PLCG2: variants seen among roughly 807,000 people sequenced by gnomAD.
PLCG2 encodes the protein phospholipase C gamma 2.
PLCG2 carries 69 observed loss-of-function variants against 175.6 expected under a neutral mutation model. The ratio of observed to expected loss-of-function variants is 0.39; its 90% CI spans 0.32 to 0.48. The LOEUF (loss-of-function observed/expected upper bound fraction) is 0.48, where lower values mean the gene tolerates loss of function less well. Ranked by LOEUF, PLCG2 falls within the 20% of genes least tolerant of loss-of-function variation. The probability of loss-of-function intolerance (pLI) is 0.91; values close to 1 mark genes in which losing one functional copy is unlikely to be tolerated. For synonymous variants in PLCG2, 827 were observed against 624.0 expected, an observed-to-expected ratio of 1.33 and a Z score of -4.85; for missense variants, 1,798 against 1,650.9, an observed-to-expected ratio of 1.09 and a Z score of -1.54.
intron 1 of PLCG2, among the ~76,000 whole-genome samples, chr16:81,782,034 G>C (rs1459589469): frequency 6.6e-6 from 1 of 152,088 alleles, no homozygotes; most frequent in African/African-American, 2.4e-5. Flanking sequence ...ACCACACCCG[G>C]CTAATTGTTT....
chr16:81,935,941 C>T (rs1910692649), intron 26 of PLCG2: 1 of 984,916 alleles, frequency 1.0e-6, no homozygotes, highest in African/African-American at 1.7e-5. Context: ...GTAATTCTAG[C>T]CTAAAAGGTG....
intron 2 of PLCG2, among the ~76,000 whole-genome samples, chr16:81,761,717 C>T (rs965198850): frequency 2.0e-5 from 3 of 152,180 alleles, no homozygotes; most frequent in East Asian, 1.9e-4. Context: ...TAGTTGTTTG[C>T]TCTTCTCATT....
intron 2 of PLCG2, among the ~76,000 whole-genome samples, chr16:81,767,136 G>GTTTT (rs66799783): frequency 9.8e-5 from 7 of 71,726 alleles, no homozygotes; most frequent in Non-Finnish European, 1.2e-4. Flanking sequence ...TAAACTCGTG[G>GTTTT]TTTTTTTTTT....
At chr16:81,805,386 C>G in intron 2 of PLCG2, among the ~76,000 whole-genome samples, 1 of 151,314 alleles carries the variant, frequency 6.6e-6, no homozygotes, top group East Asian at 1.9e-4. Context: ...ATAGTCCCAG[C>G]TACTCAGGAG....
chr16:81,818,595 T>C (rs761694233), intron 2 of PLCG2, among the ~76,000 whole-genome samples: 1 of 152,138 alleles, frequency 6.6e-6, no homozygotes, highest in Admixed American at 6.5e-5. Flanking sequence ...GCTGTGTTTC[T>C]GGAGGCTTCA....
chr16:81,768,615 G>C (rs369899888), intron 2 of PLCG2, among the ~76,000 whole-genome samples: 1 of 146,120 alleles, frequency 6.8e-6, no homozygotes, highest in Non-Finnish European at 1.5e-5. Context: ...GCCCAGGCTG[G>C]AGTGCAATGG....
chr16:81,886,904 G>A (rs1303988662), intron 9 of PLCG2, among the ~76,000 whole-genome samples: 1 of 152,134 alleles, frequency 6.6e-6, no homozygotes, highest in Non-Finnish European at 1.5e-5. Context: ...CAGGTATCTA[G>A]TGCAATACCC....
Position 81,805,778 on chromosome 16 carries a change from TTTTTG to T in PLCG2, c.193+19601_193+19605del, listed in dbSNP as rs1567473571. On this transcript the variant is annotated intron_variant, in intron 2 of 32. Coordinates refer to ENST00000564138, the MANE Select transcript of PLCG2 (RefSeq NM_002661.5). ...TAGTGTTTTGTTTTGTTTTTTTTTT[TTTTTG>T]TTTTTTTTTTTTTTTGCTGTTATTG... Among the ~76,000 whole-genome samples the T allele has an allele frequency of 9.5e-4, 109 of 114,198 alleles. 1 individual carries two copies. The highest frequency in any genetic ancestry group is 4.1e-3 in the Middle Eastern group (1 of 246). 74.9% of individuals were successfully genotyped at this position (114,198 alleles called of 152,430 possible).
intron 2 of PLCG2, among the ~76,000 whole-genome samples, chr16:81,756,422 A>G (rs774835904): frequency 6.6e-5 from 10 of 152,210 alleles, no homozygotes; most frequent in South Asian, 2.1e-4. Flanking sequence ...GGCAGCTATT[A>G]TTATTAACCC....
chr16:81,741,398 G>A (rs984720126), intron 1 of PLCG2, among the ~76,000 whole-genome samples: 2 of 152,168 alleles, frequency 1.3e-5, no homozygotes, highest in Non-Finnish European at 2.9e-5. Flanking sequence ...TATATCATAT[G>A]GCTTATTACT....
At chr16:81,846,900 C>T (rs978802458) in intron 2 of PLCG2, among the ~76,000 whole-genome samples, 9 of 152,118 alleles carry the variant, frequency 5.9e-5, no homozygotes, top group South Asian at 2.1e-4. Flanking sequence ...GTATGGTTTT[C>T]CCCCCACGCA....
At chr16:81,751,678 A>C (rs1012256787) in intron 1 of PLCG2, among the ~76,000 whole-genome samples, 5 of 152,178 alleles carry the variant, frequency 3.3e-5, no homozygotes, top group African/African-American at 1.2e-4. Context: ...ACTAGCTTTA[A>C]TTATTCCACG....
chr16:81,798,079 C>T lies in PLCG2; in HGVS notation c.193+11897C>T, dbSNP rs1911553797. 2.6e-5 allele frequency among the ~76,000 whole-genome samples: 4 copies of T among 152,246 alleles called. No individual in the cohort carries two copies. In the South Asian group the frequency reaches 8.3e-4, roughly 32 times the overall value. ...CTTCTGACCTCAAGTGATCTGCCTGCATTGGCCTCCCAAAGTGTTGGGATT... is the reference window on the plus strand; with the variant it reads ...CTTCTGACCTCAAGTGATCTGCCTGTATTGGCCTCCCAAAGTGTTGGGATT... On this transcript the variant is annotated intron_variant, in intron 2 of 32. Coordinates refer to ENST00000564138, the MANE Select transcript of PLCG2 (RefSeq NM_002661.5).
intron 7 of PLCG2, among the ~76,000 whole-genome samples, chr16:81,872,774 A>T (rs1236875106): frequency 6.6e-6 from 1 of 152,246 alleles, no homozygotes; most frequent in Non-Finnish European, 1.5e-5. Flanking sequence ...ATGATCTTGG[A>T]TGAACCACTG....
chr16:81,765,415 G>A (rs1314666262), intron 2 of PLCG2, among the ~76,000 whole-genome samples: 15 of 152,248 alleles, frequency 9.9e-5, no homozygotes, highest in Non-Finnish European at 1.5e-4. Flanking sequence ...CAGATCACTT[G>A]AGGTCAGGAG....
At chr16:81,774,047 A>T (rs1394793148) in intron 2 of PLCG2, among the ~76,000 whole-genome samples, 1 of 151,856 alleles carries the variant, frequency 6.6e-6, no homozygotes, top group East Asian at 1.9e-4. Context: ...AAGCAAAACC[A>T]TGGGTCGGGC....
intron 1 of PLCG2, among the ~76,000 whole-genome samples, chr16:81,749,941 T>C (rs956688811): frequency 3.9e-5 from 6 of 151,950 alleles, no homozygotes; most frequent in African/African-American, 1.5e-4. Context: ...GAATGCAAGG[T>C]ACCATGGTTG....
chr16:81,889,355 C>T, intron 10 of PLCG2, 82 bp downstream of exon 10: 2 of 779,336 alleles, frequency 2.6e-6, no homozygotes, highest in African/African-American at 1.7e-5. Context: ...TTCTGTTTGT[C>T]TTTCCTTGGA....
intron 31 of PLCG2, among the ~76,000 whole-genome samples, chr16:81,950,661 C>T (rs912886077): frequency 1.3e-5 from 2 of 152,168 alleles, no homozygotes; most frequent in African/African-American, 4.8e-5. Flanking sequence ...TTTCCTAAGT[C>T]ATTGGCTGTA....
Sources: gnomAD v4.1 joint callset for allele counts (sites outside exome capture counted in the v4.1 genomes callset) on GRCh38, gnomAD v4.1.1 for gene constraint, MANE v1.5 for transcripts, NCBI Gene and HGNC (gene_info 2026-07-23, HGNC 2026-07-21) for gene names.